POLR3H: variants seen among roughly 807,000 people sequenced by gnomAD.
The protein encoded by POLR3H is DNA-directed RNA polymerase III subunit RPC8.
A neutral mutation model predicts 25.5 loss-of-function variants in POLR3H; 17 were observed. The observed-to-expected ratio is 0.67, with a 90% CI of 0.46 to 1.00. The LOEUF is 1.00. Ranked by LOEUF, POLR3H falls within the 50% of genes least tolerant of loss-of-function variation. The pLI is 0.00. For missense variants in POLR3H, 274 were observed against 265.0 expected (o/e 1.03, Z -0.24); for synonymous variants, 129 against 103.0 (o/e 1.25, Z -1.53).
chr22:41,527,234 G>A lies in POLR3H; in HGVS notation c.*2049C>T. ...GAGGCCAGGCAGGTAGGGCCAGACA[G>A]GTGAGGACGGTGCCCTCCTCTGCCT... On this transcript the variant is annotated 3_prime_UTR_variant, in exon 6 of 6. Transcript: ENST00000355209. 1 of 1,613,494 alleles carries A rather than the reference G, an allele frequency of 6.2e-7. No individual in the cohort carries two copies. Among genetic ancestry groups the A allele is most frequent in the African/African-American group, 1.3e-5 (1 of 75,066 alleles).
rs2066720450 is a variant in POLR3H at position 41,531,001 on chromosome 22, G to A, written c.360-113C>T. The A allele has an allele frequency of 3.0e-6, 3 of 998,306 alleles. No homozygotes were observed. In the South Asian group the frequency reaches 4.5e-5, roughly 15 times the overall value. The allele number at this position is 998,306 out of a possible 1,614,324, so 61.8% of individuals were successfully genotyped here. On this transcript the variant is annotated intron_variant, in intron 4 of 5. Coordinates refer to ENST00000355209, the MANE Select transcript of POLR3H (RefSeq NM_001018050.4). The stretch of plus-strand genomic sequence containing the variant: ...TCTCAGGGTGAGATCACTGTGGCTG[G>A]GAAGTCACAGGAAAAGCAGGTCCCA...
rs889544738 is a variant in POLR3H, at chr22:41,525,932, C to G, written c.*3351G>C. ...CAGGACCCAGGCATGTCCTGGGCTC[C>G]TGTGTCCAGCATGAGGTCTGTGGCT... On this transcript the variant is annotated 3_prime_UTR_variant, in exon 6 of 6. Transcript: ENST00000355209. 3.7e-6 allele frequency: 1 copy of G among 270,770 alleles called. No homozygotes were observed. The highest frequency in any genetic ancestry group is 2.2e-5 in the African/African-American group (1 of 45,654). 16.8% of individuals were successfully genotyped at this position (270,770 alleles called of 1,614,324 possible). A position where few individuals can be genotyped will look rare whatever the true frequency, so the allele number is the denominator to read the frequency against.
At chr22:41,534,500 G>A (rs2066807562) in intron 2 of POLR3H, among the ~76,000 whole-genome samples, 1 of 152,192 alleles carries the variant, frequency 6.6e-6, no homozygotes, top group African/African-American at 2.4e-5. Flanking sequence ...CACATCCATA[G>A]AGACAGAAAG....
rs114996071 is a variant in POLR3H at position 41,532,141 on chromosome 22, G to T, written c.312C>A (p.Phe104Leu). ...ACTCTGGGGGGATGAGAATGTCATCGAAGAAGCCTAGAGAGACTGGAAGGA... is the reference window on the plus strand; with the variant it reads ...ACTCTGGGGGGATGAGAATGTCATCTAAGAAGCCTAGAGAGACTGGAAGGA... ...PEGVHVSLGF[F>L]DDILIPPESL... The change falls in exon 4 of 6, where the codon TTC (phenylalanine) becomes TTA (leucine). Residue 104 changes from phenylalanine (F) to leucine (L), a missense_variant. Transcript: ENST00000355209. 2.9e-5 allele frequency: 47 copies of T among 1,613,978 alleles called. No homozygotes were observed. The Admixed American group carries it at 7.8e-4, about 27-fold the overall frequency.
chr22:41,526,675 T>G lies in POLR3H; in HGVS notation c.*2608A>C. On this transcript the variant is annotated 3_prime_UTR_variant, in exon 6 of 6. Transcript: ENST00000355209. ...AGCCGGGTCCCTGCACCAGGAGGAG[T>G]TAGTGAGAGATATCTTAGGATATCT... 1 of 506,644 alleles carries G rather than the reference T, an allele frequency of 2.0e-6. No homozygotes were observed. Among genetic ancestry groups the G allele is most frequent in the South Asian group, 3.3e-5 (1 of 30,276 alleles). The allele number at this position is 506,644 out of a possible 1,614,324, so 31.4% of individuals were successfully genotyped here.
intron 2 of POLR3H, among the ~76,000 whole-genome samples, chr22:41,533,210 G>C (rs1393392492): frequency 6.6e-6 from 1 of 152,218 alleles, no homozygotes; most frequent in Non-Finnish European, 1.5e-5. Context: ...AAATGCCTCT[G>C]TGGGTTCTCA....
chr22:41,532,456 G>GCC, intron 3 of POLR3H: 1 of 934,268 alleles, frequency 1.1e-6, no homozygotes, highest in Admixed American at 2.8e-5. Context: ...CTGAAGTCCT[G>GCC]AGTGACGGCC....
intron 1 of POLR3H, among the ~76,000 whole-genome samples, chr22:41,542,975 C>G (rs2066951754): frequency 6.6e-6 from 1 of 152,084 alleles, no homozygotes; most frequent in South Asian, 2.1e-4. Context: ...TGCACCCCAG[C>G]CTGGGCGACA....
In POLR3H at chr22:41,529,286, G is replaced by A; in HGVS notation, c.612C>T (p.Asn204=). ...GLGLLSWWTS[N] is the part of the protein sequence containing the mutation. ...GGTCCACTGTCCAGCCCCAGGGCTA[G>A]TTGCTGGTCCACCAGGAGAGAAGGC... Residue 204 remains asparagine, a synonymous_variant, in exon 6 of 6, where the codon AAC becomes AAT. Coordinates refer to ENST00000355209, the MANE Select transcript of POLR3H (RefSeq NM_001018050.4). 1 of 1,613,396 alleles carries A rather than the reference G, an allele frequency of 6.2e-7. No individual in the cohort carries two copies. The highest frequency in any genetic ancestry group is 8.5e-7 in the Non-Finnish European group (1 of 1,179,794).
At chr22:41,535,699 C>T (rs1260178948) in intron 2 of POLR3H, among the ~76,000 whole-genome samples, 6 of 152,200 alleles carry the variant, frequency 3.9e-5, no homozygotes, top group Non-Finnish European at 2.9e-5. Flanking sequence ...GCAGGCCGGG[C>T]GCTGTGGCTC....
rs1462717571 is a variant in POLR3H, at chr22:41,529,340, C to G, written c.562-4G>C. 6.2e-7 allele frequency: 1 copy of G among 1,613,448 alleles called. No individual in the cohort carries two copies. The highest frequency in any genetic ancestry group is 8.5e-7 in the Non-Finnish European group (1 of 1,179,666). ...GGCCTGGCTCACTGATGGATCCCTG[C>G]CAGGGATAAAGAACACGCACATTTC... is the stretch of plus-strand genomic sequence containing the variant. On this transcript the variant is annotated splice_region_variant and splice_polypyrimidine_tract_variant and intron_variant, in intron 5 of 5. Coordinates refer to ENST00000355209, the MANE Select transcript of POLR3H (RefSeq NM_001018050.4).
intron 5 of POLR3H, among the ~76,000 whole-genome samples, chr22:41,530,453 C>G (rs2066704716): frequency 6.6e-6 from 1 of 152,220 alleles, no homozygotes; most frequent in Non-Finnish European, 1.5e-5. Context: ...AGCTCTGTCC[C>G]CTTTGCAAGC....
In POLR3H at chr22:41,529,248, C is replaced by T. The variant is rs373940388; in HGVS notation, c.*35G>A. The T allele has an allele frequency of 8.0e-5, 128 of 1,592,316 alleles. No homozygotes were observed. The highest frequency in any genetic ancestry group is 2.9e-4 in the Admixed American group (17 of 59,262). ...TTCACAGCCGGCCATACCACCTTCC[C>T]GCAGGCTGGTAGGGTCCACTGTCCA... On this transcript the variant is annotated 3_prime_UTR_variant, in exon 6 of 6. Transcript: ENST00000355209.
chr22:41,533,322 T>C (rs77039056), intron 2 of POLR3H, among the ~76,000 whole-genome samples: 3,243 of 152,230 alleles, frequency 0.021, 97 homozygotes, highest in African/African-American at 0.074. Context: ...TGGCATTAGC[T>C]GTATGTCACC....
rs2066593795 is a variant in POLR3H, at chr22:41,526,252, AC to A, written c.*3030del. On this transcript the variant is annotated 3_prime_UTR_variant, in exon 6 of 6. Coordinates refer to ENST00000355209, the MANE Select transcript of POLR3H (RefSeq NM_001018050.4). Reference sequence around the variant, plus strand: ...GCCCTGACCTCTGTCCTCTCTACTTACCACCCAAGGTCAAAGGGAAGTGTAC... The same window carrying A: ...GCCCTGACCTCTGTCCTCTCTACTTACACCCAAGGTCAAAGGGAAGTGTAC... 6.2e-7 allele frequency: 1 copy of A among 1,609,988 alleles called. No homozygotes were observed. The highest frequency in any genetic ancestry group is 1.1e-5 in the South Asian group (1 of 90,800).
In POLR3H at chr22:41,527,320, C is replaced by G. The variant is rs760073057; in HGVS notation, c.*1963G>C. The G allele has an allele frequency of 2.5e-6, 4 of 1,614,014 alleles. No individual in the cohort carries two copies. The East Asian group carries it at 8.9e-5, about 36-fold the overall frequency. Reference sequence around the variant, plus strand: ...GCATCAGGTGGGTGGTGATCGGAGACGAGAACTACGGCGAGGGCTCGAGCC... The same window carrying G: ...GCATCAGGTGGGTGGTGATCGGAGAGGAGAACTACGGCGAGGGCTCGAGCC... On this transcript the variant is annotated 3_prime_UTR_variant, in exon 6 of 6. Transcript: ENST00000355209.
In POLR3H at chr22:41,528,550, G is replaced by A. The variant is rs766133387; in HGVS notation, c.*733C>T. The A allele has an allele frequency of 1.9e-6, 3 of 1,613,112 alleles. No individual in the cohort carries two copies. Among genetic ancestry groups the A allele is most frequent in the Non-Finnish European group, 2.5e-6 (3 of 1,180,044 alleles). Reference sequence around the variant, plus strand: ...TCCTCCTGAACCACACCTTCAACGAGACGCAGATTGAGTGGTTCCGCGCTG... The same window carrying A: ...TCCTCCTGAACCACACCTTCAACGAAACGCAGATTGAGTGGTTCCGCGCTG... On this transcript the variant is annotated 3_prime_UTR_variant, in exon 6 of 6. Coordinates refer to ENST00000355209, the MANE Select transcript of POLR3H (RefSeq NM_001018050.4).
chr22:41,528,548 G>C lies in POLR3H; in HGVS notation c.*735C>G. On this transcript the variant is annotated 3_prime_UTR_variant, in exon 6 of 6. Transcript: ENST00000355209. ...CATCCTCCTGAACCACACCTTCAAC[G>C]AGACGCAGATTGAGTGGTTCCGCGC... The C allele has an allele frequency of 6.2e-7, 1 of 1,613,182 alleles. No individual in the cohort carries two copies. Among genetic ancestry groups the C allele is most frequent in the Non-Finnish European group, 8.5e-7 (1 of 1,180,024 alleles).
rs1276682521 is a variant in POLR3H at position 41,544,037 on chromosome 22, A to C, written c.65T>G (p.Leu22Arg). The change falls in exon 1 of 6, where the codon CTC (leucine) becomes CGC (arginine). Residue 22 changes from leucine (L) to arginine (R), a missense_variant. Transcript: ENST00000355209. ...RIPPWQFERK[L>R]NDSIAEELNK... is the part of the protein sequence containing the mutation. ...CAGCTCCTCGGCAATGGAGTCGTTGAGCTTCCTCTCAAACTGCCAAGGGGG... is the reference window on the plus strand; with the variant it reads ...CAGCTCCTCGGCAATGGAGTCGTTGCGCTTCCTCTCAAACTGCCAAGGGGG... The C allele has an allele frequency of 7.2e-7, 1 of 1,381,808 alleles. No homozygotes were observed. The allele number at this position is 1,381,808 out of a possible 1,614,324, so 85.6% of individuals were successfully genotyped here.
Sources: allele counts gnomAD v4.1 joint callset (sites outside exome capture counted in the v4.1 genomes callset), GRCh38; gene constraint gnomAD v4.1.1; transcripts MANE v1.5; gene names NCBI Gene and HGNC (gene_info 2026-07-23, HGNC 2026-07-21).